The following TENM3 variants were observed in gnomAD, a reference collection of about 807,000 sequenced individuals.
TENM3 encodes teneurin transmembrane protein 3, also known as teneurin-3.
Under a neutral mutation model 255.1 loss-of-function variants are expected in TENM3, and 63 were observed. The observed-to-expected ratio is 0.25, with a 90% confidence interval of 0.20 to 0.30. The LOEUF is 0.30. TENM3 is among the 10% of genes least tolerant of loss of function. The probability of loss-of-function intolerance (pLI) is 1.00; values close to 1 mark genes in which losing one functional copy is unlikely to be tolerated. For missense variants in TENM3, 2,929 were observed against 3,461.1 expected, an observed-to-expected ratio of 0.85 and a Z score of 3.86; for synonymous variants, 1,306 against 1,322.3, an observed-to-expected ratio of 0.99 and a Z score of 0.27.
intron 3 of TENM3, among the ~76,000 whole-genome samples, chr4:182,388,607 A>G (rs532408586): frequency 2.0e-5 from 3 of 152,284 alleles, no homozygotes; most frequent in Admixed American, 2.0e-4. Flanking sequence ...TGGCTTTTCA[A>G]ACATCTACAT....
the TENM3 span, among the ~76,000 whole-genome samples, chr4:181,492,315 G>A: frequency 6.6e-6 from 1 of 152,072 alleles, no homozygotes; most frequent in Non-Finnish European, 1.5e-5. Context: ...ACATATTTTA[G>A]CCAGTCTCAA....
intron 16 of TENM3, among the ~76,000 whole-genome samples, chr4:182,731,516 A>G (rs1760703449): frequency 6.6e-6 from 1 of 152,082 alleles, no homozygotes; most frequent in African/African-American, 2.4e-5. Context: ...TCTCAAAAAA[A>G]GACAAAAACA....
intron 22 of TENM3, among the ~76,000 whole-genome samples, chr4:182,763,718 C>T (rs1421878929): frequency 6.6e-6 from 1 of 152,110 alleles, no homozygotes; most frequent in African/African-American, 2.4e-5. Flanking sequence ...TCTGGAGGAG[C>T]AGAATGTGAG....
At chr4:181,533,076 C>T in the TENM3 span, among the ~76,000 whole-genome samples, 23 of 152,208 alleles carry the variant, frequency 1.5e-4, no homozygotes, top group Admixed American at 1.0e-3. Flanking sequence ...CTGAGACTAG[C>T]GGTAATCTTT....
rs1255231537 is a variant in TENM3 at position 182,778,963 on chromosome 4, C to G, written c.5304+3810C>G. On this transcript the variant is annotated intron_variant, in intron 24 of 27. Transcript: ENST00000511685. Reference sequence around the variant, plus strand: ...ATTTTTTTCTTTTTTTTTTTAATGTCTTGAAGAATTGTTAGTACTTTTAGT... The same window carrying G: ...ATTTTTTTCTTTTTTTTTTTAATGTGTTGAAGAATTGTTAGTACTTTTAGT... 4.0e-5 allele frequency among the ~76,000 whole-genome samples: 5 copies of G among 124,324 alleles called. No homozygotes were observed. The Middle Eastern group carries it at 0.019, about 460-fold the overall frequency. 81.6% of individuals were successfully genotyped at this position (124,324 alleles called of 152,430 possible). A position where few individuals can be genotyped will look rare whatever the true frequency, so the allele number is the denominator to read the frequency against.
intron 3 of TENM3, among the ~76,000 whole-genome samples, chr4:182,426,957 C>A (rs945165217): frequency 6.6e-6 from 1 of 152,046 alleles, no homozygotes; most frequent in African/African-American, 2.4e-5. Context: ...ACTTGTATTT[C>A]TAATTTTCTT....
intron 22 of TENM3, chr4:182,772,683 A>G (rs1176635802): frequency 5.3e-5 from 8 of 152,238 alleles, no homozygotes; most frequent in African/African-American, 1.4e-4. Context: ...TTATGAGCAC[A>G]GAACAGCTTT....
the TENM3 span, among the ~76,000 whole-genome samples, chr4:182,036,042 C>G: frequency 9.8e-4 from 149 of 152,284 alleles, 1 homozygote; most frequent in African/African-American, 3.4e-3. Context: ...GCATCTCACT[C>G]TTGCTCCATC....
chr4:182,606,548 AGG>A (rs1748453797), intron 4 of TENM3, among the ~76,000 whole-genome samples: 1 of 144,456 alleles, frequency 6.9e-6, no homozygotes, highest in Non-Finnish European at 1.5e-5. Flanking sequence ...AAAAAAAAAA[AGG>A]TAGCGTATAT....
intron 5 of TENM3, among the ~76,000 whole-genome samples, chr4:182,653,250 G>A (rs1469949260): frequency 6.6e-6 from 1 of 152,070 alleles, no homozygotes; most frequent in Non-Finnish European, 1.5e-5. Context: ...CCCAAATTTA[G>A]AATATTCAAA....
At chr4:181,462,634 A>G in the TENM3 span, among the ~76,000 whole-genome samples, 1 of 152,208 alleles carries the variant, frequency 6.6e-6, no homozygotes, top group Non-Finnish European at 1.5e-5. Context: ...TTGTCCCCAG[A>G]AGTAGAATTT....
the TENM3 span, among the ~76,000 whole-genome samples, chr4:181,789,854 C>T: frequency 4.6e-5 from 7 of 152,196 alleles, no homozygotes; most frequent in Admixed American, 2.6e-4. Context: ...ACCCCCTCCC[C>T]GGTACCATGT....
At chr4:181,470,222 A>G in the TENM3 span, among the ~76,000 whole-genome samples, 1 of 152,104 alleles carries the variant, frequency 6.6e-6, no homozygotes, top group Admixed American at 6.5e-5. Flanking sequence ...ATTAGCTTTC[A>G]TAGAGAGAAA....
chr4:181,511,591 T>C, the TENM3 span, among the ~76,000 whole-genome samples: 1 of 152,178 alleles, frequency 6.6e-6, no homozygotes, highest in Non-Finnish European at 1.5e-5. Context: ...TTGCTCCGGG[T>C]GATTTGACTC....
chr4:182,285,144 T>C (rs1393124467), intron 1 of TENM3, among the ~76,000 whole-genome samples: 1 of 152,168 alleles, frequency 6.6e-6, no homozygotes, highest in Non-Finnish European at 1.5e-5. Flanking sequence ...AACGCTTTGA[T>C]GTTATTGCAC....
chr4:181,534,032 G>A, the TENM3 span, among the ~76,000 whole-genome samples: 304 of 152,214 alleles, frequency 2.0e-3, 1 homozygote, highest in Non-Finnish European at 2.8e-3. Flanking sequence ...CAAAGACTAG[G>A]GAGAACTAAG....
chr4:182,726,371 A>C (rs1760182165), intron 13 of TENM3, among the ~76,000 whole-genome samples: 1 of 314 alleles, frequency 3.2e-3, no homozygotes, highest in Non-Finnish European at 9.1e-3. Flanking sequence ...GGTCAAGCGC[A>C]GCTTATGTCT....
the TENM3 span, among the ~76,000 whole-genome samples, chr4:182,037,858 G>T: frequency 2.6e-5 from 4 of 151,930 alleles, no homozygotes; most frequent in African/African-American, 4.8e-5. Context: ...TAGAGACAGG[G>T]TCCCTCTTTG....
intron 16 of TENM3, among the ~76,000 whole-genome samples, chr4:182,734,649 G>A (rs17073941): frequency 0.023 from 3,558 of 152,228 alleles, 56 homozygotes; most frequent in Non-Finnish European, 0.034. Context: ...AATGTTTAAC[G>A]GGATCAGGAA....
Sources: gnomAD v4.1 joint callset for allele counts (sites outside exome capture counted in the v4.1 genomes callset) on GRCh38, gnomAD v4.1.1 for gene constraint, MANE v1.5 for transcripts, NCBI Gene and HGNC (gene_info 2026-07-23, HGNC 2026-07-21) for gene names.